SCLT1: variants seen among roughly 807,000 people sequenced by gnomAD.
The protein encoded by SCLT1 is sodium channel-associated protein 1.
Under a neutral mutation model 112.8 loss-of-function variants are expected in SCLT1, and 78 were observed. That is an observed-to-expected ratio of 0.69 (90% CI 0.58 to 0.83). The LOEUF (loss-of-function observed/expected upper bound fraction) is 0.83, where lower values mean the gene tolerates loss of function less well. Among genes scored for constraint, SCLT1 ranks in the 40% least tolerant of loss-of-function variants. The pLI, the probability that SCLT1 is intolerant of heterozygous loss-of-function variation, is 0.00. For synonymous variants in SCLT1, 257 were observed against 254.7 expected (o/e 1.01, Z -0.09); for missense variants, 747 against 770.4 (o/e 0.97, Z 0.36).
chr4:128,949,211 T>A (rs1579472169), intron 14 of SCLT1, among the ~76,000 whole-genome samples: 1 of 150,542 alleles, frequency 6.6e-6, no homozygotes. Context: ...GTAATGTGTA[T>A]GGCTTGTTTT....
At position 129,079,025 on chromosome 4, in the gene SCLT1, C is replaced by T. The variant is rs72926071; in HGVS notation, c.102+3281G>A. Among the ~76,000 whole-genome samples, 716 of 152,254 alleles carry T rather than the reference C, an allele frequency of 4.7e-3. 4 individuals are homozygous for T. The highest frequency in any genetic ancestry group is 0.016 in the African/African-American group (656 of 41,544). ...TATAAGCAAGCAGATTTCATGAGAA[C>T]TCACTCACTATCAGGGGAACAGCAA... is the stretch of plus-strand genomic sequence containing the variant. On this transcript the variant is annotated intron_variant, in intron 2 of 20. Coordinates refer to ENST00000281142, the MANE Select transcript of SCLT1 (RefSeq NM_144643.4).
chr4:128,915,611 A>G (rs1175810565), intron 18 of SCLT1, among the ~76,000 whole-genome samples: 1 of 152,198 alleles, frequency 6.6e-6, no homozygotes, highest in African/African-American at 2.4e-5. Context: ...TAAAAGTTCA[A>G]ATGCATTTCA....
intron 18 of SCLT1, among the ~76,000 whole-genome samples, chr4:128,936,326 G>A (rs957426096): frequency 6.6e-6 from 1 of 152,070 alleles, no homozygotes; most frequent in Admixed American, 6.5e-5. Flanking sequence ...AAGTTCATCT[G>A]AGGAAGGGTC....
chr4:129,087,621 G>A (rs899969263), intron 1 of SCLT1, among the ~76,000 whole-genome samples: 2 of 151,730 alleles, frequency 1.3e-5, no homozygotes, highest in African/African-American at 4.8e-5. Context: ...AGGTGCAGTG[G>A]CACATGCCTG....
intron 9 of SCLT1, 40 bp from the exon 10 acceptor site, chr4:128,970,508 A>T (rs1560909290): frequency 9.7e-7 from 1 of 1,029,162 alleles, no homozygotes; most frequent in South Asian, 1.3e-5. Flanking sequence ...GTTTTCATAG[A>T]CCACTAAGAA....
At chr4:128,899,074 C>A (rs1393999510) in intron 18 of SCLT1, among the ~76,000 whole-genome samples, 1 of 152,178 alleles carries the variant, frequency 6.6e-6, no homozygotes, top group Non-Finnish European at 1.5e-5. Context: ...GATGGATTCA[C>A]AGCCGAATTC....
At chr4:128,883,371 C>G (rs138643431), downstream of SCLT1, among the ~76,000 whole-genome samples, 42 of 151,708 alleles carry the variant, frequency 2.8e-4, no homozygotes, top group Non-Finnish European at 5.7e-4. Context: ...CTCAGCTCCA[C>G]GCAGAAGACT....
chr4:129,051,454 T>C lies in SCLT1; in HGVS notation c.103-7403A>G, dbSNP rs140992133. 4.7e-3 allele frequency among the ~76,000 whole-genome samples: 716 copies of C among 152,280 alleles called. 4 individuals are homozygous for C. Among genetic ancestry groups the C allele is most frequent in the African/African-American group, 0.016 (656 of 41,556 alleles). Reference sequence around the variant, plus strand: ...AGAGGTTCTTTACATCCCTTGTAAGTTGTATTCCTAGGTATTTTATTCTCT... The same window carrying C: ...AGAGGTTCTTTACATCCCTTGTAAGCTGTATTCCTAGGTATTTTATTCTCT... On this transcript the variant is annotated intron_variant, in intron 2 of 20. Coordinates refer to ENST00000281142, the MANE Select transcript of SCLT1 (RefSeq NM_144643.4).
chr4:128,920,919 T>C (rs1735832815), intron 18 of SCLT1, among the ~76,000 whole-genome samples: 1 of 152,120 alleles, frequency 6.6e-6, no homozygotes, highest in Non-Finnish European at 1.5e-5. Flanking sequence ...AACCAATTAG[T>C]CTCTGCCCAC....
intron 5 of SCLT1, among the ~76,000 whole-genome samples, chr4:129,008,293 C>T (rs1452449889): frequency 6.6e-6 from 1 of 152,142 alleles, no homozygotes; most frequent in African/African-American, 2.4e-5. Context: ...TTTCGCTGAG[C>T]ACACAATTCT....
In SCLT1 at chr4:129,032,794, C is replaced by T. The variant is rs146612966; in HGVS notation, c.290+6247G>A. 3.8e-3 allele frequency among the ~76,000 whole-genome samples: 569 copies of T among 151,716 alleles called. 1 individual carries two copies. Among genetic ancestry groups the T allele is most frequent in the African/African-American group, 0.011 (471 of 41,520 alleles). ...AGAACTACAATGAGATACCACCTCA[C>T]ACCAGTTAGAATGGCAATCATTAAA... On this transcript the variant is annotated intron_variant, in intron 5 of 20. Transcript: ENST00000281142.
At chr4:128,876,168 A>G (rs1732514952) in intron 4 of SCLT1, among the ~76,000 whole-genome samples, 1 of 152,232 alleles carries the variant, frequency 6.6e-6, no homozygotes. Flanking sequence ...GATCCAAAAC[A>G]GGGTAGCTAT....
At position 128,965,240 on chromosome 4, in the gene SCLT1, GT is replaced by G; in HGVS notation, c.855del (p.Lys285AsnfsTer3). The G allele has an allele frequency of 1.3e-6, 2 of 1,582,004 alleles. No homozygotes were observed. The highest frequency in any genetic ancestry group is 1.7e-6 in the Non-Finnish European group (2 of 1,151,730). ...RRLQQLQSSIKQLEIRLCVTI... is the reference protein window; with the variant it reads ...RRLQQLQSSIXQLEIRLCVTI... The stretch of plus-strand genomic sequence containing the variant: ...TTAACAATTTACCTTATTTCTAATT[GT>G]TTTATACTAGACTGTAACTGCTGTA... On this transcript the variant is annotated frameshift_variant, in exon 11 of 21. Coordinates refer to ENST00000281142, the MANE Select transcript of SCLT1 (RefSeq NM_144643.4). LOFTEE classifies it high-confidence loss of function.
Position 128,936,853 on chromosome 4 carries a change from TA to T in SCLT1, c.1633-3del. 1 of 1,462,696 alleles carries T rather than the reference TA, an allele frequency of 6.8e-7. No individual in the cohort carries two copies. The allele number at this position is 1,462,696 out of a possible 1,614,324, so 90.6% of individuals were successfully genotyped here. A position where few individuals can be genotyped will look rare whatever the true frequency, so the allele number is the denominator to read the frequency against. ...AAATTCATGTTCCATTGTACTGATC[TA>T]AAGAATAAAATGAAAACGTATTTTC... On this transcript the variant is annotated splice_region_variant and splice_polypyrimidine_tract_variant and intron_variant, in intron 17 of 20. Coordinates refer to ENST00000281142, the MANE Select transcript of SCLT1 (RefSeq NM_144643.4).
chr4:129,030,550 T>C (rs1330632093), intron 5 of SCLT1, among the ~76,000 whole-genome samples: 1 of 151,990 alleles, frequency 6.6e-6, no homozygotes, highest in Non-Finnish European at 1.5e-5. Context: ...ATTAACAATA[T>C]AGACGGACCT....
At chr4:128,914,948 TAGTC>T (rs1735365107) in intron 18 of SCLT1, among the ~76,000 whole-genome samples, 1 of 152,098 alleles carries the variant, frequency 6.6e-6, no homozygotes, top group South Asian at 2.1e-4. Flanking sequence ...TCCTTTAAGT[TAGTC>T]ATATATGGGC....
At chr4:128,935,107 A>G (rs1737078035) in intron 18 of SCLT1, among the ~76,000 whole-genome samples, 1 of 151,960 alleles carries the variant, frequency 6.6e-6, no homozygotes, top group Non-Finnish European at 1.5e-5. Flanking sequence ...AATGTTGTAA[A>G]TTATATTGAT....
chr4:129,067,294 C>T lies in SCLT1; in HGVS notation c.102+15012G>A, dbSNP rs998885301. On this transcript the variant is annotated intron_variant, in intron 2 of 20. Transcript: ENST00000281142. ...AATGTATATATTATAAGCATTTTACCAACATGGGAAGGATTAACTCTTGAA... is the reference window on the plus strand; with the variant it reads ...AATGTATATATTATAAGCATTTTACTAACATGGGAAGGATTAACTCTTGAA... Among the ~76,000 whole-genome samples the T allele has an allele frequency of 2.7e-5, 4 of 150,596 alleles. No homozygotes were observed. In the East Asian group the frequency reaches 7.8e-4, roughly 29 times the overall value.
intron 2 of SCLT1, among the ~76,000 whole-genome samples, chr4:129,056,148 T>C (rs1208496011): frequency 6.6e-6 from 1 of 151,984 alleles, no homozygotes; most frequent in Non-Finnish European, 1.5e-5. Context: ...AGATGAACAG[T>C]TTACCTCAGT....
Sources: allele counts gnomAD v4.1 joint callset (sites outside exome capture counted in the v4.1 genomes callset), GRCh38; gene constraint gnomAD v4.1.1; transcripts MANE v1.5; gene names NCBI Gene and HGNC (gene_info 2026-07-23, HGNC 2026-07-21).